The following TBC1D31 variants were observed in gnomAD, a reference collection of about 807,000 sequenced individuals.
TBC1D31 encodes TBC1 domain family member 31.
A neutral mutation model predicts 132.9 loss-of-function variants in TBC1D31; 99 were observed. The observed-to-expected ratio is 0.74, with a 90% CI of 0.63 to 0.88. The LOEUF (loss-of-function observed/expected upper bound fraction) is 0.88. Ranked by LOEUF, TBC1D31 falls within the 40% of genes least tolerant of loss-of-function variation. TBC1D31 has a pLI of 0.00. For missense variants in TBC1D31, 1,134 were observed against 1,256.6 expected (o/e 0.90, Z 1.48); for synonymous variants, 385 against 419.4 (o/e 0.92, Z 1.00).
downstream of TBC1D31, chr8:123,152,193 C>T (rs1409189781): frequency 3.2e-6 from 1 of 315,406 alleles, no homozygotes; most frequent in Non-Finnish European, 5.7e-6. Flanking sequence ...CAGCATAAAC[C>T]TCAGTAACTT....
chr8:123,126,332 C>T, intron 12 of TBC1D31, 143 bp downstream of exon 12: 1 of 1,239,044 alleles, frequency 8.1e-7, no homozygotes, highest in Non-Finnish European at 1.1e-6. Context: ...TCTTTTTCTT[C>T]ATTAAACTGC....
chr8:123,080,376 A>G (rs1815000291), intron 2 of TBC1D31, among the ~76,000 whole-genome samples: 1 of 152,096 alleles, frequency 6.6e-6, no homozygotes. Context: ...CTCTGGTGCT[A>G]TTTTCAGGGT....
chr8:123,082,561 C>T (rs1171934041), intron 2 of TBC1D31, 141 bp from the exon 3 acceptor site: 12 of 614,394 alleles, frequency 2.0e-5, no homozygotes, highest in Non-Finnish European at 3.4e-5. Flanking sequence ...TGGCACATAG[C>T]ACCCTTCATA....
chr8:123,077,533 A>ATTTTTT (rs33948089), intron 2 of TBC1D31, among the ~76,000 whole-genome samples: 3 of 143,480 alleles, frequency 2.1e-5, no homozygotes, highest in Non-Finnish European at 4.5e-5. Flanking sequence ...ATTATTGCTA[A>ATTTTTT]TTTTTTTTTT....
rs1815038412 is a variant in TBC1D31, at chr8:123,080,557, AGACGGAGTCTCACCCTGTTGC to A, written c.225-2144_225-2124del. ...TTTTTTTTTTTTTTTTTTTTTTTTG[AGACGGAGTCTCACCCTGTTGC>A]CCAGGCCGGGGTACAGTGGTGTGAT... On this transcript the variant is annotated intron_variant, in intron 2 of 21. Coordinates refer to ENST00000287380, the MANE Select transcript of TBC1D31 (RefSeq NM_145647.4). Among the ~76,000 whole-genome samples the A allele has an allele frequency of 6.8e-5, 4 of 59,034 alleles. No homozygotes were observed. The East Asian group carries it at 1.7e-3, about 26-fold the overall frequency. The allele number at this position is 59,034 out of a possible 152,430, so 38.7% of individuals were successfully genotyped here. A position where few individuals can be genotyped will look rare whatever the true frequency, so the allele number is the denominator to read the frequency against.
rs2130253749 is a variant in TBC1D31, at chr8:123,096,238, T to C, written c.672-1044T>C. 2.0e-5 allele frequency among the ~76,000 whole-genome samples: 3 copies of C among 152,260 alleles called. No homozygotes were observed. In the South Asian group the frequency reaches 6.2e-4, roughly 32 times the overall value. On this transcript the variant is annotated intron_variant, in intron 5 of 21. Transcript: ENST00000287380. ...ACCCCTCATTTCCCCTGAGGCCTTCTGTCACCTGGCCTACGCCTCCCTCGC... is the reference window on the plus strand; with the variant it reads ...ACCCCTCATTTCCCCTGAGGCCTTCCGTCACCTGGCCTACGCCTCCCTCGC...
At position 123,094,507 on chromosome 8, in the gene TBC1D31, C is replaced by CTTTATTTA. The variant is rs368810398; in HGVS notation, c.671+805_671+812dup. The stretch of plus-strand genomic sequence containing the variant: ...GAAATATAACCATAGTATTATCACA[C>CTTTATTTA]TTTATTTATTTATTTATTTATTTAT... On this transcript the variant is annotated intron_variant, in intron 5 of 21. Coordinates refer to ENST00000287380, the MANE Select transcript of TBC1D31 (RefSeq NM_145647.4). Among the ~76,000 whole-genome samples, 691 of 148,294 alleles carry CTTTATTTA rather than the reference C, an allele frequency of 4.7e-3. 6 individuals are homozygous for CTTTATTTA. Among genetic ancestry groups the CTTTATTTA allele is most frequent in the East Asian group, 0.012 (61 of 5,036 alleles).
Position 123,072,712 on chromosome 8 carries a change from G to A in TBC1D31, c.-58G>A. The A allele has an allele frequency of 6.5e-7, 1 of 1,531,678 alleles. No individual in the cohort carries two copies. 94.9% of individuals were successfully genotyped at this position (1,531,678 alleles called of 1,614,324 possible). On this transcript the variant is annotated 5_prime_UTR_variant, in exon 1 of 22. Coordinates refer to ENST00000287380, the MANE Select transcript of TBC1D31 (RefSeq NM_145647.4). Reference sequence around the variant, plus strand: ...CCGGGCCGGGAGCGCTGGGCCTGCCGGGAAGGCGCTGGGACGGTTACCCAG... The same window carrying A: ...CCGGGCCGGGAGCGCTGGGCCTGCCAGGAAGGCGCTGGGACGGTTACCCAG...
intron 4 of TBC1D31, among the ~76,000 whole-genome samples, chr8:123,092,561 T>A (rs901482244): frequency 6.6e-6 from 1 of 152,182 alleles, no homozygotes; most frequent in African/African-American, 2.4e-5. Flanking sequence ...AAAGACACTG[T>A]CATACACTGC....
chr8:123,142,661 G>A (rs1821823026), intron 19 of TBC1D31, among the ~76,000 whole-genome samples: 1 of 152,110 alleles, frequency 6.6e-6, no homozygotes, highest in South Asian at 2.1e-4. Context: ...AAATAGTACA[G>A]AGTCAAATGA....
At chr8:123,129,252 A>G (rs373575288) in intron 15 of TBC1D31, 34 bp downstream of exon 15, 2 of 1,401,514 alleles carry the variant, frequency 1.4e-6, no homozygotes, top group South Asian at 1.7e-5. Flanking sequence ...AAATCTGGAC[A>G]TATAAGTTAG....
At position 123,097,385 on chromosome 8, in the gene TBC1D31, C is replaced by A. The variant is rs763700367; in HGVS notation, c.775C>A (p.Arg259=). The stretch of plus-strand genomic sequence containing the variant: ...AATTATCCAGATGCCCACTAAAGTT[C>A]GAGCCATTCGCCATCTGGAATTTCT... ...FRIIQMPTKV[R]AIRHLEFLPD... is the part of the protein sequence containing the mutation. Residue 259 remains arginine (R), a synonymous_variant, in exon 6 of 22, where the codon CGA becomes AGA. Coordinates refer to ENST00000287380, the MANE Select transcript of TBC1D31 (RefSeq NM_145647.4). 4 of 1,614,096 alleles carry A rather than the reference C, an allele frequency of 2.5e-6. No individual in the cohort carries two copies. The highest frequency in any genetic ancestry group is 3.4e-6 in the Non-Finnish European group (4 of 1,180,022).
intron 10 of TBC1D31, among the ~76,000 whole-genome samples, chr8:123,114,207 G>T (rs1489692394): frequency 6.6e-6 from 1 of 152,198 alleles, no homozygotes; most frequent in Non-Finnish European, 1.5e-5. Flanking sequence ...TGGATTTATT[G>T]TTGTAGCCAG....
In TBC1D31 at chr8:123,092,808, A is replaced by AT. The variant is rs71573666; in HGVS notation, c.520-762dup. Among the ~76,000 whole-genome samples the AT allele has an allele frequency of 8.4e-3, 870 of 103,522 alleles. 13 individuals are homozygous for AT. The highest frequency in any genetic ancestry group is 0.018 in the East Asian group (73 of 4,116). 67.9% of individuals were successfully genotyped at this position (103,522 alleles called of 152,430 possible). A position where few individuals can be genotyped will look rare whatever the true frequency, so the allele number is the denominator to read the frequency against. On this transcript the variant is annotated intron_variant, in intron 4 of 21. Transcript: ENST00000287380. ...GGGACTACAGGCACACACCCGGCTA[A>AT]TTTTTTTTTTTTTTTTTTTTTGAGA...
the TBC1D31 span, among the ~76,000 whole-genome samples, chr8:123,161,397 G>A: frequency 6.6e-6 from 1 of 152,206 alleles, no homozygotes; most frequent in Admixed American, 6.5e-5. Flanking sequence ...CCTTGCCGGC[G>A]GTGGCTGATT....
Position 123,085,718 on chromosome 8 carries a change from A to T in TBC1D31, c.519+1378A>T. ...GCCACCGCGCCGGGCCCCACTCAGC[A>T]TAATGTTTTTGAGATCCATCCATAT... On this transcript the variant is annotated intron_variant, in intron 4 of 21. Coordinates refer to ENST00000287380, the MANE Select transcript of TBC1D31 (RefSeq NM_145647.4). 1.3e-5 allele frequency among the ~76,000 whole-genome samples: 2 copies of T among 152,210 alleles called. 1 individual carries two copies. Among genetic ancestry groups the T allele is most frequent in the Non-Finnish European group, 2.9e-5 (2 of 68,040 alleles).
At chr8:123,158,482 G>A in the TBC1D31 span, among the ~76,000 whole-genome samples, 1 of 152,170 alleles carries the variant, frequency 6.6e-6, no homozygotes, top group Non-Finnish European at 1.5e-5. Flanking sequence ...CCAGGGAAAG[G>A]ACGAGTGATG....
chr8:123,094,222 A>G (rs1816630468), intron 5 of TBC1D31, among the ~76,000 whole-genome samples: 1 of 151,324 alleles, frequency 6.6e-6, no homozygotes, highest in African/African-American at 2.4e-5. Context: ...GTGCCACCAT[A>G]CTGGCTAATT....
rs1356741742 is a variant in TBC1D31 at position 123,097,516 on chromosome 8, T to C, written c.831+75T>C. ...CGTCTCTGAACTATATTAGCTCTTA[T>C]TTATTTAACTTACACCCTGGCTGTT... is the stretch of plus-strand genomic sequence containing the variant. On this transcript the variant is annotated intron_variant, in intron 6 of 21. Coordinates refer to ENST00000287380, the MANE Select transcript of TBC1D31 (RefSeq NM_145647.4). 15 of 1,411,694 alleles carry C rather than the reference T, an allele frequency of 1.1e-5. No individual in the cohort carries two copies. In the Admixed American group the frequency reaches 3.3e-4, roughly 31 times the overall value. 87.4% of individuals were successfully genotyped at this position (1,411,694 alleles called of 1,614,324 possible). A position where few individuals can be genotyped will look rare whatever the true frequency, so the allele number is the denominator to read the frequency against.
Sources: gnomAD v4.1 joint callset for allele counts (sites outside exome capture counted in the v4.1 genomes callset) on GRCh38, gnomAD v4.1.1 for gene constraint, MANE v1.5 for transcripts, NCBI Gene and HGNC (gene_info 2026-07-23, HGNC 2026-07-21) for gene names.